Variants in WNT2B observed in about 807,000 individuals in gnomAD.
The protein encoded by WNT2B is Wnt family member 2B, also known as protein Wnt-2b.
Under a neutral mutation model 40.5 loss-of-function variants are expected in WNT2B, and 19 were observed. The ratio of observed to expected loss-of-function variants is 0.47; its 90% CI spans 0.33 to 0.69. The LOEUF (loss-of-function observed/expected upper bound fraction) is 0.69. WNT2B is among the 30% of genes least tolerant of loss of function. The pLI, the probability that WNT2B is intolerant of heterozygous loss-of-function variation, is 0.02. For synonymous variants in WNT2B, 220 were observed against 211.9 expected (o/e 1.04, Z -0.33); for missense variants, 467 against 556.4 (o/e 0.84, Z 1.62).
At chr1:112,506,478 C>T (rs967158530), upstream of WNT2B, among the ~76,000 whole-genome samples, 4 of 152,210 alleles carry the variant, frequency 2.6e-5, 1 homozygote, top group South Asian at 6.2e-4. Flanking sequence ...CCCCTCCCTG[C>T]GCTTTCCACC....
rs1652243342 is a variant in WNT2B, at chr1:112,509,172, C to G, written c.-91C>G. On this transcript the variant is annotated 5_prime_UTR_variant, in exon 1 of 5. Transcript: ENST00000369684. The surrounding 1 kb of genome is among the most constrained non-coding windows in gnomAD (Gnocchi z 4.2). ...GCCGCCGGCGAACACCATGGCCCCC[C>G]AGGGGGGTGAGGTAGGAGCAGCCTG... 1 of 1,393,930 alleles carries G rather than the reference C, an allele frequency of 7.2e-7. No homozygotes were observed. The highest frequency in any genetic ancestry group is 9.2e-7 in the Non-Finnish European group (1 of 1,084,388). 86.3% of individuals were successfully genotyped at this position (1,393,930 alleles called of 1,614,324 possible).
At chr1:112,500,646 C>G (rs908367948) in intron 1 of WNT2B, among the ~76,000 whole-genome samples, 1 of 152,024 alleles carries the variant, frequency 6.6e-6, no homozygotes, top group East Asian at 1.9e-4. Flanking sequence ...GTGGTGCATA[C>G]CTGTAGTCCC....
At chr1:112,491,080 A>G (rs1557912340) in intron 1 of WNT2B, 2 of 1,613,592 alleles carry the variant, frequency 1.2e-6, no homozygotes, top group African/African-American at 2.7e-5. Context: ...GTGTTTGCAA[A>G]GGTACATGAT....
intron 1 of WNT2B, among the ~76,000 whole-genome samples, chr1:112,487,617 G>GT (rs1210887854): frequency 6.6e-6 from 1 of 152,150 alleles, no homozygotes; most frequent in Non-Finnish European, 1.5e-5. Context: ...TATTGAAGTA[G>GT]TTTGTGGAAA....
At chr1:112,507,826 G>A (rs1230902317), upstream of WNT2B, among the ~76,000 whole-genome samples, 1 of 152,262 alleles carries the variant, frequency 6.6e-6, no homozygotes. Flanking sequence ...ACTGGAGCCA[G>A]ATCCCAGGTG....
chr1:112,517,750 C>T (rs750652440), intron 4 of WNT2B: 13 of 188,044 alleles, frequency 6.9e-5, no homozygotes, highest in South Asian at 1.8e-4. Context: ...TTTGGCTCTT[C>T]GCAATCTACT....
rs1652837574 is a variant in WNT2B, at chr1:112,520,945, T to C, written c.*436T>C. 1.2e-5 allele frequency: 2 copies of C among 172,670 alleles called. No individual in the cohort carries two copies. The highest frequency in any genetic ancestry group is 2.5e-5 in the Non-Finnish European group (2 of 79,970). The allele number at this position is 172,670 out of a possible 1,614,324, so 10.7% of individuals were successfully genotyped here. A position where few individuals can be genotyped will look rare whatever the true frequency, so the allele number is the denominator to read the frequency against. ...GGGACAAAGATGAATGGCATGTCCC[T>C]TCTCTGAAGTCCGTTTGAGCAGAAC... On this transcript the variant is annotated 3_prime_UTR_variant, in exon 5 of 5. Coordinates refer to ENST00000369684, the MANE Select transcript of WNT2B (RefSeq NM_024494.3).
chr1:112,493,161 C>CA (rs1651652332), intron 1 of WNT2B, among the ~76,000 whole-genome samples: 1 of 152,060 alleles, frequency 6.6e-6, no homozygotes, highest in Admixed American at 6.5e-5. Context: ...AGACAGCATG[C>CA]AAAAACAGGC....
intron 1 of WNT2B, chr1:112,514,618 T>C (rs1451228643): frequency 1.8e-6 from 1 of 551,876 alleles, no homozygotes; most frequent in Non-Finnish European, 3.3e-6. Flanking sequence ...TCTGGGAGTG[T>C]ATGTCACTTT....
intron 1 of WNT2B, among the ~76,000 whole-genome samples, chr1:112,470,880 G>A (rs552568049): frequency 9.9e-5 from 13 of 130,872 alleles, no homozygotes; most frequent in Admixed American, 3.9e-4. Flanking sequence ...TGGGGGCAAG[G>A]TCGCTCTCAC....
In WNT2B at chr1:112,527,428, T is replaced by C. The variant is rs574120695; in HGVS notation, c.*6919T>C. 6.5e-6 allele frequency: 1 copy of C among 152,784 alleles called. No individual in the cohort carries two copies. The highest frequency in any genetic ancestry group is 1.9e-4 in the East Asian group (1 of 5,184). 9.5% of individuals were successfully genotyped at this position (152,784 alleles called of 1,614,324 possible). ...CCTCTGCATGTGGGCTCAGAAGTCA[T>C]CATCTAAAGAATTCCATTGCTCACC... On this transcript the variant is annotated 3_prime_UTR_variant, in exon 5 of 5. Coordinates refer to ENST00000369684, the MANE Select transcript of WNT2B (RefSeq NM_024494.3).
At chr1:112,513,717 C>G (rs1652433405) in intron 1 of WNT2B, among the ~76,000 whole-genome samples, 1 of 152,198 alleles carries the variant, frequency 6.6e-6, no homozygotes, top group African/African-American at 2.4e-5. Context: ...AACAATTGCT[C>G]TCCATGGCCC....
rs116381434 is a variant in WNT2B, at chr1:112,470,648, G to A, written c.-95+3057G>A. Among the ~76,000 whole-genome samples, 985 of 152,226 alleles carry A rather than the reference G, an allele frequency of 6.5e-3. 9 individuals carry two copies. Among genetic ancestry groups the A allele is most frequent in the African/African-American group, 0.022 (926 of 41,538 alleles). On this transcript the variant is annotated intron_variant, in intron 1 of 4. Transcript: ENST00000256640. Reference sequence around the variant, plus strand: ...GTGTACAAATGGGGGAAAGGCGTCCGCTCTCTATGCATGAGCCTAAGCACT... The same window carrying A: ...GTGTACAAATGGGGGAAAGGCGTCCACTCTCTATGCATGAGCCTAAGCACT...
chr1:112,487,921 G>T (rs1651468215), intron 1 of WNT2B, among the ~76,000 whole-genome samples: 1 of 111,262 alleles, frequency 9.0e-6, no homozygotes, highest in Non-Finnish European at 1.7e-5. Flanking sequence ...GTGACACAGA[G>T]AGGCTCTGAC....
At chr1:112,479,177 C>T (rs1353659441) in intron 1 of WNT2B, among the ~76,000 whole-genome samples, 1 of 151,816 alleles carries the variant, frequency 6.6e-6, no homozygotes, top group African/African-American at 2.4e-5. Context: ...GCTGAAATTG[C>T]ACCATTGCAC....
At chr1:112,468,652 T>A (rs750632566) in intron 1 of WNT2B, among the ~76,000 whole-genome samples, 16 of 152,012 alleles carry the variant, frequency 1.1e-4, no homozygotes, top group Non-Finnish European at 2.1e-4. Flanking sequence ...ATTATTATTA[T>A]TATTATTATT....
At chr1:112,492,069 A>AGAAT (rs1156250762) in intron 1 of WNT2B, among the ~76,000 whole-genome samples, 1 of 152,198 alleles carries the variant, frequency 6.6e-6, no homozygotes, top group East Asian at 1.9e-4. Context: ...GAGAAAGAAA[A>AGAAT]GAATAGGAAA....
chr1:112,508,121 A>C (rs956948185), upstream of WNT2B, among the ~76,000 whole-genome samples: 2 of 152,028 alleles, frequency 1.3e-5, no homozygotes, highest in African/African-American at 4.8e-5. This position sits in a 1 kb window ranked among gnomAD's most constrained non-coding sequence, Gnocchi z 4.2. Flanking sequence ...CTCTCTCGGC[A>C]GGACCCCCAC....
intron 1 of WNT2B, among the ~76,000 whole-genome samples, chr1:112,477,852 A>G (rs1161554496): frequency 1.3e-5 from 2 of 152,218 alleles, no homozygotes; most frequent in Non-Finnish European, 2.9e-5. Context: ...CAGACAAAAG[A>G]GAAAAAAGAA....
Sources: gnomAD v4.1 joint callset for allele counts (sites outside exome capture counted in the v4.1 genomes callset) on GRCh38, gnomAD v4.1.1 for gene constraint, Gnocchi (gnomAD v3.1) non-coding constraint, MANE v1.5 for transcripts, NCBI Gene and HGNC (gene_info 2026-07-23, HGNC 2026-07-21) for gene names.